OR4P4: variants seen among roughly 807,000 people sequenced by gnomAD.
OR4P4 encodes olfactory receptor family 4 subfamily P member 4.
In OR4P4, 1 loss-of-function variant was observed where a neutral mutation model predicts 2.1. That is an observed-to-expected ratio of 0.47 (90% CI 0.17 to 2.21). OR4P4 has a LOEUF of 2.21. OR4P4 is among the 30% of genes most tolerant of loss of function. OR4P4 has a pLI of 0.27. For missense variants in OR4P4, 375 were observed against 376.5 expected (o/e 1.00, Z 0.03); for synonymous variants, 129 against 133.2 (o/e 0.97, Z 0.22).
Position 55,639,058 on chromosome 11 carries a change from C to A in OR4P4, c.701C>A (p.Ala234Asp). The change falls in exon 2 of 2, where the codon GCT (alanine) becomes GAT (aspartate). Residue 234 changes from alanine to aspartate, a missense_variant. Ala to Asp is a moderately radical substitution (Grantham distance 126). Coordinates refer to ENST00000641760, the Ensembl canonical transcript of OR4P4. Reference sequence around the variant, plus strand: ...TACTCTGCAGAGAGACGCAGCAAAGCTCTTGCCACTTGTAGTTCTCATGTA... The same window carrying A: ...TACTCTGCAGAGAGACGCAGCAAAGATCTTGCCACTTGTAGTTCTCATGTA... 3 of 1,491,772 alleles carry A rather than the reference C, an allele frequency of 2.0e-6. 1 individual carries two copies. The highest frequency in any genetic ancestry group is 2.7e-6 in the Non-Finnish European group (3 of 1,096,158). The allele number at this position is 1,491,772 out of a possible 1,614,324, so 92.4% of individuals were successfully genotyped here.
intron 1 of OR4P4, among the ~76,000 whole-genome samples, chr11:55,635,610 T>A (rs1469253047): frequency 7.3e-6 from 1 of 137,370 alleles, no homozygotes; most frequent in East Asian, 2.4e-4. Context: ...AAGAAACAAT[T>A]TAAATAGTTA....
At chr11:55,639,294 T>G (rs1165354261) in exon 2 of OR4P4, 1 of 1,394,168 alleles carries the variant, frequency 7.2e-7, no homozygotes, top group East Asian at 2.6e-5. Flanking sequence ...TCAACTTTTC[T>G]GAATTGTTTC....
chr11:55,638,849 A>G, exon 2 of OR4P4: 2 of 1,492,956 alleles, frequency 1.3e-6, no homozygotes, highest in Non-Finnish European at 1.8e-6. Flanking sequence ...CCATCTTTGT[A>G]CCATTTTGTG....
chr11:55,638,896 A>C (rs1858424166), exon 2 of OR4P4: 1 of 1,493,214 alleles, frequency 6.7e-7, no homozygotes, highest in Non-Finnish European at 9.1e-7. Flanking sequence ...TGTGATGTGT[A>C]TCCTTTGCTG....
rs185970991 is a variant in OR4P4, at chr11:55,635,458, A to G, written c.-31+242A>G. Reference sequence around the variant, plus strand: ...TTTTTTTATGGGGTGGCCTCCCATCATTTATTTGATTTGGTGATATGACAG... The same window carrying G: ...TTTTTTTATGGGGTGGCCTCCCATCGTTTATTTGATTTGGTGATATGACAG... On this transcript the variant is annotated intron_variant, in intron 1 of 1. Coordinates refer to ENST00000641760, the Ensembl canonical transcript of OR4P4. 4.6e-3 allele frequency among the ~76,000 whole-genome samples: 624 copies of G among 136,800 alleles called. 64 individuals carry two copies. The highest frequency in any genetic ancestry group is 0.015 in the African/African-American group (602 of 39,704). 89.7% of individuals were successfully genotyped at this position (136,800 alleles called of 152,430 possible). A position where few individuals can be genotyped will look rare whatever the true frequency, so the allele number is the denominator to read the frequency against.
chr11:55,636,692 T>C (rs1858392471), intron 1 of OR4P4, among the ~76,000 whole-genome samples: 1 of 137,818 alleles, frequency 7.3e-6, no homozygotes, highest in Non-Finnish European at 1.6e-5. Context: ...AGAATCCTAA[T>C]GTAATTTTCA....
Position 55,639,128 on chromosome 11 carries a change from T to A in OR4P4, c.771T>A (p.Ile257=), listed in dbSNP as rs575381399. 9.4e-6 allele frequency: 14 copies of A among 1,494,140 alleles called. 3 individuals are homozygous for A. In the East Asian group the frequency reaches 3.6e-4, roughly 39 times the overall value. The allele number at this position is 1,494,140 out of a possible 1,614,324, so 92.6% of individuals were successfully genotyped here. A position where few individuals can be genotyped will look rare whatever the true frequency, so the allele number is the denominator to read the frequency against. ...TTGCACCTGCATTGTTCATTTACAT[T>A]AGACCGGTCACAACATTCTCAGAAG... Residue 257 remains isoleucine, a synonymous_variant, in exon 2 of 2, where the codon ATT becomes ATA. Coordinates refer to ENST00000641760, the Ensembl canonical transcript of OR4P4.
In OR4P4 at chr11:55,635,242, T is replaced by C. The variant is rs1039473920; in HGVS notation, c.-31+26T>C. 2.2e-5 allele frequency: 3 copies of C among 137,936 alleles called. 1 individual carries two copies. The highest frequency in any genetic ancestry group is 4.9e-5 in the Non-Finnish European group (3 of 61,612). 8.5% of individuals were successfully genotyped at this position (137,936 alleles called of 1,614,324 possible). A position where few individuals can be genotyped will look rare whatever the true frequency, so the allele number is the denominator to read the frequency against. On this transcript the variant is annotated intron_variant, in intron 1 of 1. Coordinates refer to ENST00000641760, the Ensembl canonical transcript of OR4P4. The stretch of plus-strand genomic sequence containing the variant: ...GTGAGTTGATTACATGGGGGACATA[T>C]AAATAATTAACTGTAAGTAAGTAAG...
At position 55,638,895 on chromosome 11, in the gene OR4P4, T is replaced by C. The variant is rs760195444; in HGVS notation, c.538T>C (p.Tyr180His). The change falls in exon 2 of 2, where the codon TAT (tyrosine) becomes CAT (histidine). Residue 180 changes from tyrosine (Y) to histidine (H), a missense_variant. Physicochemically the swap from Tyr to His is moderately conservative, Grantham distance 83. Coordinates refer to ENST00000641760, the Ensembl canonical transcript of OR4P4. Reference sequence around the variant, plus strand: ...GATAGATCACTACTTCTGTGATGTGTATCCTTTGCTGAAATTGGCCTGTTC... The same window carrying C: ...GATAGATCACTACTTCTGTGATGTGCATCCTTTGCTGAAATTGGCCTGTTC... 3.3e-6 allele frequency: 5 copies of C among 1,493,444 alleles called. 1 individual carries two copies. In the African/African-American group the frequency reaches 4.1e-5, roughly 12 times the overall value. 92.5% of individuals were successfully genotyped at this position (1,493,444 alleles called of 1,614,324 possible).
intron 1 of OR4P4, among the ~76,000 whole-genome samples, chr11:55,636,132 G>A (rs1692693308): frequency 7.3e-6 from 1 of 137,560 alleles, no homozygotes; most frequent in East Asian, 2.4e-4. Context: ...AAACATATGC[G>A]CCAAGAATAT....
rs768719780 is a variant in OR4P4, at chr11:55,638,840, C to T, written c.483C>T (p.Thr161=). 2.0e-6 allele frequency: 3 copies of T among 1,492,180 alleles called. No individual in the cohort carries two copies. The South Asian group carries it at 3.5e-5, about 18-fold the overall frequency. 92.4% of individuals were successfully genotyped at this position (1,492,180 alleles called of 1,614,324 possible). The change falls in exon 2 of 2, where the codon ACC becomes ACT. Residue 161 remains threonine (T), a synonymous_variant. Transcript: ENST00000641760. ...ATTCTGCCAGTCAGTTTCTTCTCAC[C>T]ATCTTTGTACCATTTTGTGGCCCAA...
In OR4P4 at chr11:55,638,385, T is replaced by C; in HGVS notation, c.28T>C (p.Phe10Leu). 2 of 1,422,982 alleles carry C rather than the reference T, an allele frequency of 1.4e-6. 1 individual carries two copies. Among genetic ancestry groups the C allele is most frequent in the Non-Finnish European group, 1.9e-6 (2 of 1,053,006 alleles). The allele number at this position is 1,422,982 out of a possible 1,614,324, so 88.1% of individuals were successfully genotyped here. A position where few individuals can be genotyped will look rare whatever the true frequency, so the allele number is the denominator to read the frequency against. Residue 10 changes from phenylalanine to leucine, a missense_variant, in exon 2 of 2, where the codon TTT becomes CTT. By Grantham distance (22) the Phe-to-Leu change is conservative. Transcript: ENST00000641760. The stretch of plus-strand genomic sequence containing the variant: ...GGAAAAAAGCAATAATAGCACTTTG[T>C]TTATTCTCTTGGGGTTTTCCCAAAA...
rs2120184458 is a variant in OR4P4, at chr11:55,639,097, T to C, written c.740T>C (p.Leu247Pro). 5 of 1,493,496 alleles carry C rather than the reference T, an allele frequency of 3.3e-6. 2 individuals carry two copies. In the South Asian group the frequency reaches 4.7e-5, roughly 14 times the overall value. 92.5% of individuals were successfully genotyped at this position (1,493,496 alleles called of 1,614,324 possible). ...AGTTCTCATGTAATTGTTGTGGTCC[T>C]GTTTTTTGCACCTGCATTGTTCATT... The change falls in exon 2 of 2, where the codon CTG (leucine) becomes CCG (proline). Residue 247 changes from leucine to proline, a missense_variant. Physicochemically the swap from Leu to Pro is moderately conservative, Grantham distance 98 (BLOSUM62 -3). Transcript: ENST00000641760.
chr11:55,638,239 T>G (rs1858410808), intron 1 of OR4P4, 89 bp from the exon 2 acceptor site: 2 of 567,256 alleles, frequency 3.5e-6, no homozygotes, highest in Non-Finnish European at 6.0e-6. Context: ...TTGAATGAGG[T>G]AAATTAAATC....
Position 55,638,548 on chromosome 11 carries a change from T to C in OR4P4, c.191T>C (p.Leu64Pro), listed in dbSNP as rs1425139989. 6 of 1,481,906 alleles carry C rather than the reference T, an allele frequency of 4.0e-6. 1 individual carries two copies. The highest frequency in any genetic ancestry group is 4.6e-6 in the Non-Finnish European group (5 of 1,089,530). 91.8% of individuals were successfully genotyped at this position (1,481,906 alleles called of 1,614,324 possible). The change falls in exon 2 of 2, where the codon CTC (leucine) becomes CCC (proline). Residue 64 changes from leucine to proline, a missense_variant. Leu to Pro is a moderately conservative substitution (Grantham distance 98). Coordinates refer to ENST00000641760, the Ensembl canonical transcript of OR4P4. Reference sequence around the variant, plus strand: ...CCCATGTATTTCTTCCTCAATTACCTCTCACTCTCCGACCTTTGCTACACA... The same window carrying C: ...CCCATGTATTTCTTCCTCAATTACCCCTCACTCTCCGACCTTTGCTACACA...
chr11:55,637,741 A>G (rs1363899597), intron 1 of OR4P4, among the ~76,000 whole-genome samples: 1 of 138,244 alleles, frequency 7.2e-6, no homozygotes, highest in South Asian at 2.3e-4. Context: ...TTAGAAAGCA[A>G]TGAAACACAT....
At chr11:55,639,448 C>A in exon 2 of OR4P4, 1 of 511,996 alleles carries the variant, frequency 2.0e-6, no homozygotes, top group East Asian at 3.4e-5. Context: ...ATCTCTTTAA[C>A]AAATTGAACA....
chr11:55,636,935 G>A (rs1465843186), intron 1 of OR4P4, among the ~76,000 whole-genome samples: 1 of 137,610 alleles, frequency 7.3e-6, no homozygotes, highest in African/African-American at 2.5e-5. Flanking sequence ...ATTAAGACAA[G>A]TAACGGGGAT....
At position 55,636,739 on chromosome 11, in the gene OR4P4, G is replaced by A. The variant is rs1281978832; in HGVS notation, c.-31+1523G>A. Among the ~76,000 whole-genome samples the A allele has an allele frequency of 2.2e-5, 3 of 137,502 alleles. 1 individual carries two copies. The highest frequency in any genetic ancestry group is 3.2e-5 in the Non-Finnish European group (2 of 61,674). The allele number at this position is 137,502 out of a possible 152,430, so 90.2% of individuals were successfully genotyped here. On this transcript the variant is annotated intron_variant, in intron 1 of 1. Coordinates refer to ENST00000641760, the Ensembl canonical transcript of OR4P4. Reference sequence around the variant, plus strand: ...TGTGATATATTGATATTAGCACAACGATATCATCCCTTGTACACTATTTTA... The same window carrying A: ...TGTGATATATTGATATTAGCACAACAATATCATCCCTTGTACACTATTTTA...
Sources: gnomAD v4.1 joint callset for allele counts (sites outside exome capture counted in the v4.1 genomes callset) on GRCh38, gnomAD v4.1.1 for gene constraint, MANE v1.5 for transcripts, NCBI Gene and HGNC (gene_info 2026-07-23, HGNC 2026-07-21) for gene names.